The following FBLN2 variants were observed in gnomAD, a reference collection of about 807,000 sequenced individuals.
FBLN2 encodes fibulin-2.
FBLN2 carries 81 observed loss-of-function variants against 123.7 expected under a neutral mutation model. The observed-to-expected ratio is 0.65, with a 90% CI of 0.55 to 0.79. The LOEUF (loss-of-function observed/expected upper bound fraction) is 0.79, where lower values mean the gene tolerates loss of function less well. FBLN2 is among the 30% of genes least tolerant of loss of function. FBLN2 has a pLI of 0.00. For synonymous variants in FBLN2, 699 were observed against 701.4 expected, an observed-to-expected ratio of 1.00 and a Z score of 0.05; for missense variants, 1,603 against 1,681.3, an observed-to-expected ratio of 0.95 and a Z score of 0.81.
intron 7 of FBLN2, 143 bp downstream of exon 7, chr3:13,619,160 G>C: frequency 1.5e-6 from 1 of 649,056 alleles, no homozygotes; most frequent in Admixed American, 2.8e-5. Flanking sequence ...TGGGGATGAT[G>C]GGCTTACCCT....
chr3:13,618,875 C>A (rs1705732396), intron 6 of FBLN2, 29 bp from the exon 7 acceptor site: 1 of 1,572,864 alleles, frequency 6.4e-7, no homozygotes, highest in Non-Finnish European at 8.7e-7. Flanking sequence ...GACCTCCCTG[C>A]AACCCCCACT....
chr3:13,589,216 C>G (rs556989493), intron 2 of FBLN2, among the ~76,000 whole-genome samples: 1 of 152,180 alleles, frequency 6.6e-6, no homozygotes, highest in Non-Finnish European at 1.5e-5. Context: ...CCCTAGACAT[C>G]GCAACAAAAA....
At chr3:13,606,412 T>C (rs1189236092) in intron 2 of FBLN2, among the ~76,000 whole-genome samples, 1 of 152,226 alleles carries the variant, frequency 6.6e-6, no homozygotes, top group Non-Finnish European at 1.5e-5. Flanking sequence ...CTATAGCCTG[T>C]GCCTTTGAGT....
chr3:13,580,835 TTTA>T, intron 2 of FBLN2, among the ~76,000 whole-genome samples: 1 of 152,314 alleles, frequency 6.6e-6, no homozygotes, highest in East Asian at 1.9e-4. Context: ...ACAGTGCACA[TTTA>T]TTATTGCTCC....
intron 1 of FBLN2, among the ~76,000 whole-genome samples, chr3:13,553,050 G>A (rs1338364158): frequency 1.3e-5 from 2 of 152,198 alleles, no homozygotes; most frequent in African/African-American, 4.8e-5. Context: ...AGGGCTTCCT[G>A]GAGGTGGCGC....
chr3:13,592,018 C>CTTTTTTT (rs869103466), intron 2 of FBLN2, among the ~76,000 whole-genome samples: 128 of 131,918 alleles, frequency 9.7e-4, no homozygotes, highest in Non-Finnish European at 1.2e-3. Context: ...CCTCTCTTTT[C>CTTTTTTT]TTTTTTTTTT....
In FBLN2 at chr3:13,628,920, C is replaced by T. The variant is rs375695017; in HGVS notation, c.2585C>T (p.Thr862Met). ...GCCTCTGCAGACATCAACGAGTGCA[C>T]GTCACTGTCCGAGCCATGTCGGCCA... ...EGNCVDINEC[T>M]SLSEPCRPGF... Residue 862 changes from threonine (T) to methionine (M), a missense_variant, in exon 12 of 18, where the codon ACG (threonine) becomes ATG (methionine). Thr to Met is a moderately conservative substitution (Grantham distance 81, BLOSUM62 -1). Coordinates refer to ENST00000404922, the MANE Select transcript of FBLN2 (RefSeq NM_001004019.2). 29 of 1,612,964 alleles carry T rather than the reference C, an allele frequency of 1.8e-5. No homozygotes were observed. Among genetic ancestry groups the T allele is most frequent in the East Asian group, 2.2e-5 (1 of 44,836 alleles).
At chr3:13,627,388 G>T (rs768513846) in intron 10 of FBLN2, among the ~76,000 whole-genome samples, 1 of 152,110 alleles carries the variant, frequency 6.6e-6, no homozygotes, top group Non-Finnish European at 1.5e-5. Flanking sequence ...TTAGGCACAC[G>T]GTGGGGATAT....
intron 2 of FBLN2, among the ~76,000 whole-genome samples, chr3:13,582,351 T>A (rs2124842554): frequency 6.6e-6 from 1 of 152,318 alleles, no homozygotes; most frequent in Middle Eastern, 3.4e-3. Flanking sequence ...TCAGGATCTG[T>A]GCTGCGAGTT....
At position 13,637,880 on chromosome 3, in the gene FBLN2, G is replaced by C; in HGVS notation, c.3657G>C (p.Leu1219=). Residue 1219 remains leucine, a synonymous_variant, in exon 18 of 18, where the codon CTG becomes CTC. Transcript: ENST00000404922. Reference sequence around the variant, plus strand: ...GGCAGGGCTCCGTCACCACCTTCCTGGCCAAGATGCACATCTTCTTCACCA... The same window carrying C: ...GGCAGGGCTCCGTCACCACCTTCCTCGCCAAGATGCACATCTTCTTCACCA... ...LWRQGSVTTF[L]AKMHIFFTTF... The C allele has an allele frequency of 6.2e-7, 1 of 1,604,908 alleles. No homozygotes were observed. The highest frequency in any genetic ancestry group is 1.3e-5 in the African/African-American group (1 of 74,960).
At position 13,609,586 on chromosome 3, in the gene FBLN2, G is replaced by A; in HGVS notation, c.1492G>A (p.Glu498Lys). The A allele has an allele frequency of 1.3e-6, 2 of 1,566,318 alleles. No homozygotes were observed. Among genetic ancestry groups the A allele is most frequent in the Non-Finnish European group, 1.7e-6 (2 of 1,155,398 alleles). The change falls in exon 4 of 18, where the codon GAG becomes AAG. Residue 498 changes from glutamate (E) to lysine (K), a missense_variant. Coordinates refer to ENST00000404922, the MANE Select transcript of FBLN2 (RefSeq NM_001004019.2). ...CATGGCCGGCGTCCTGGGAGCCAAG[G>A]AGGGTGAGACCTGTGGGGCTGAGGA... ...SCMAGVLGAK[E>K]GETCGAEDND...
chr3:13,617,601 ATCCATCCATC>A (rs1705669910), intron 5 of FBLN2, among the ~76,000 whole-genome samples: 1 of 144,954 alleles, frequency 6.9e-6, no homozygotes, highest in Non-Finnish European at 1.5e-5. Flanking sequence ...CCATCCATCC[ATCCATCCATC>A]CATCCATCCA....
intron 15 of FBLN2, 89 bp from the exon 16 acceptor site, chr3:13,631,240 C>T: frequency 6.7e-7 from 1 of 1,500,782 alleles, no homozygotes. Context: ...CCCCTAAGCT[C>T]TATGGCTGTG....
Position 13,618,209 on chromosome 3 carries a change from C to T in FBLN2, c.1863C>T (p.Ile621=). 6.2e-7 allele frequency: 1 copy of T among 1,613,814 alleles called. No homozygotes were observed. Among genetic ancestry groups the T allele is most frequent in the Non-Finnish European group, 8.5e-7 (1 of 1,179,914 alleles). The change falls in exon 6 of 18, where the codon ATC becomes ATT. Residue 621 remains isoleucine (I), a synonymous_variant. Coordinates refer to ENST00000404922, the MANE Select transcript of FBLN2 (RefSeq NM_001004019.2). ...GAGAGCTGTGCCAGCACCTTTGCAT[C>T]AATACTGTGGGTTCTTACCACTGTG... ...LPGELCQHLC[I]NTVGSYHCAC... is the part of the protein sequence containing the mutation.
intron 3 of FBLN2, 39 bp from the exon 4 acceptor site, chr3:13,609,474 G>A (rs1574979944): frequency 6.6e-7 from 1 of 1,517,746 alleles, no homozygotes; most frequent in East Asian, 2.5e-5. Context: ...GGGAGGATGA[G>A]GTGGGCGACT....
intron 4 of FBLN2, among the ~76,000 whole-genome samples, chr3:13,612,218 T>C (rs1705412704): frequency 6.6e-6 from 1 of 152,170 alleles, no homozygotes; most frequent in Non-Finnish European, 1.5e-5. Flanking sequence ...CCCTTTTCTG[T>C]CTTTATGTTT....
chr3:13,600,141 G>A (rs1704982035), intron 2 of FBLN2, among the ~76,000 whole-genome samples: 1 of 151,780 alleles, frequency 6.6e-6, no homozygotes, highest in South Asian at 2.1e-4. Flanking sequence ...TAGAGGAGAG[G>A]AGGTGACTGC....
At chr3:13,557,224 T>C (rs1452513310) in intron 1 of FBLN2, among the ~76,000 whole-genome samples, 1 of 152,226 alleles carries the variant, frequency 6.6e-6, no homozygotes, top group Non-Finnish European at 1.5e-5. Flanking sequence ...AGCCATTCCC[T>C]GAGCCTGGGG....
chr3:13,567,292 G>A (rs886386284), intron 1 of FBLN2, among the ~76,000 whole-genome samples: 16 of 152,182 alleles, frequency 1.1e-4, no homozygotes, highest in African/African-American at 2.2e-4. Context: ...AGGACACAAC[G>A]TTCATGCCTA....
Sources: gnomAD v4.1 joint callset for allele counts (sites outside exome capture counted in the v4.1 genomes callset) on GRCh38, gnomAD v4.1.1 for gene constraint, MANE v1.5 for transcripts, NCBI Gene and HGNC (gene_info 2026-07-23, HGNC 2026-07-21) for gene names.